RASL11B: variants seen among roughly 807,000 people sequenced by gnomAD.
The protein encoded by RASL11B is ras-like protein family member 11B.
A neutral mutation model predicts 22.9 loss-of-function variants in RASL11B; 14 were observed. The ratio of observed to expected loss-of-function variants is 0.61; its 90% confidence interval spans 0.40 to 0.96. RASL11B has a LOEUF of 0.96. Ranked by LOEUF, RASL11B falls within the 40% of genes least tolerant of loss-of-function variation. RASL11B has a pLI of 0.00. For synonymous variants in RASL11B, 143 were observed against 130.2 expected, an observed-to-expected ratio of 1.10 and a Z score of -0.67; for missense variants, 261 against 322.0, an observed-to-expected ratio of 0.81 and a Z score of 1.45.
In RASL11B at chr4:52,865,691, C is replaced by G; in HGVS notation, c.633C>G (p.Pro211=). The change falls in exon 4 of 4, where the codon CCC becomes CCG. Residue 211 remains proline, a synonymous_variant. Transcript: ENST00000248706. Reference sequence around the variant, plus strand: ...ACAAACAGCAGCCTAGCAGTACACCCGAGAAGCGAAGAACCTCCCTCATTC... The same window carrying G: ...ACAAACAGCAGCCTAGCAGTACACCGGAGAAGCGAAGAACCTCCCTCATTC... The part of the protein sequence containing the change: ...VSHKQQPSST[P]EKRRTSLIPR... 2 of 1,614,134 alleles carry G rather than the reference C, an allele frequency of 1.2e-6. No individual in the cohort carries two copies. The highest frequency in any genetic ancestry group is 1.7e-6 in the Non-Finnish European group (2 of 1,180,020).
rs780459424 is a variant in RASL11B at position 52,865,416 on chromosome 4, A to G, written c.358A>G (p.Ile120Val). 1 of 1,614,194 alleles carries G rather than the reference A, an allele frequency of 6.2e-7. No homozygotes were observed. Among genetic ancestry groups the G allele is most frequent in the South Asian group, 1.1e-5 (1 of 91,086 alleles). The change falls in exon 4 of 4, where the codon ATC (isoleucine) becomes GTC (valine). Residue 120 changes from isoleucine to valine, a missense_variant. Physicochemically the swap from Ile to Val is conservative, Grantham distance 29 (BLOSUM62 3). Transcript: ENST00000248706. ...AGATGCTGTGGTGATCGTTTTCTCC[A>G]TCACTGACTACAAGAGCTATGAACT... is the stretch of plus-strand genomic sequence containing the variant. ...WADAVVIVFSITDYKSYELIS... is the reference protein window; with the variant it reads ...WADAVVIVFSVTDYKSYELIS...
intron 1 of RASL11B, among the ~76,000 whole-genome samples, 174 bp from the exon 2 acceptor site, chr4:52,863,093 TC>T (rs1343012839): frequency 6.6e-6 from 1 of 152,172 alleles, no homozygotes; most frequent in Non-Finnish European, 1.5e-5. Context: ...CACGATGCCT[TC>T]TAGCCCCCTC....
In RASL11B at chr4:52,862,462, T is replaced by G. The variant is rs761099676; in HGVS notation, c.-46T>G. ...CCGCTCCCGCGCAGCGCTAGCATTC[T>G]CCAGTCCCTCAGTCCCTTCCCGCGC... On this transcript the variant is annotated 5_prime_UTR_variant, in exon 1 of 4. Coordinates refer to ENST00000248706, the MANE Select transcript of RASL11B (RefSeq NM_023940.3). 2.3e-5 allele frequency: 37 copies of G among 1,580,058 alleles called. No homozygotes were observed. The highest frequency in any genetic ancestry group is 3.1e-5 in the Non-Finnish European group (36 of 1,165,658).
At chr4:52,864,318 T>G in intron 2 of RASL11B, 160 bp from the exon 3 acceptor site, 1 of 585,234 alleles carries the variant, frequency 1.7e-6, no homozygotes, top group Non-Finnish European at 3.1e-6. Context: ...TTGCTGTTGT[T>G]TTTTAAAAAA....
chr4:52,863,646 TAA>T (rs368078680), intron 2 of RASL11B: 1,429 of 192,816 alleles, frequency 7.4e-3, no homozygotes, highest in South Asian at 0.014. Flanking sequence ...GCAAAAGTCG[TAA>T]AAAAAAAAAA....
rs199676961 is a variant in RASL11B, at chr4:52,865,715, T to G, written c.657T>G (p.Ile219Met). 13 of 1,613,874 alleles carry G rather than the reference T, an allele frequency of 8.1e-6. No individual in the cohort carries two copies. The highest frequency in any genetic ancestry group is 1.7e-5 in the Admixed American group (1 of 59,990). ...STPEKRRTSL[I>M]PRPKSPNMQD... The stretch of plus-strand genomic sequence containing the variant: ...CCGAGAAGCGAAGAACCTCCCTCAT[T>G]CCCAGGCCCAAGTCACCCAACATGC... The change falls in exon 4 of 4, where the codon ATT (isoleucine) becomes ATG (methionine). Residue 219 changes from isoleucine to methionine, a missense_variant. Coordinates refer to ENST00000248706, the MANE Select transcript of RASL11B (RefSeq NM_023940.3).
Position 52,862,579 on chromosome 4 carries a change from C to T in RASL11B, c.72C>T (p.Cys24=), listed in dbSNP as rs1317861888. ...CGGGCAACGCCGCGGCCTCCGACTG[C>T]TGTGTGGGCGCCGCCGGCCGCCGCC... ...PAPGNAAASD[C]CVGAAGRRLV... is the part of the protein sequence containing the mutation. The change falls in exon 1 of 4, where the codon TGC becomes TGT. Residue 24 remains cysteine, a synonymous_variant. Transcript: ENST00000248706. 1.1e-5 allele frequency: 18 copies of T among 1,602,730 alleles called. No individual in the cohort carries two copies. The highest frequency in any genetic ancestry group is 1.5e-5 in the Non-Finnish European group (18 of 1,176,906).
At chr4:52,862,780 C>T in intron 1 of RASL11B, 131 bp downstream of exon 1, 2 of 1,114,332 alleles carry the variant, frequency 1.8e-6, no homozygotes, top group Non-Finnish European at 1.2e-6. Context: ...GAGCCGCTGC[C>T]CCTTGGGAGT....
Position 52,865,864 on chromosome 4 carries a change from T to G in RASL11B, c.*59T>G. The G allele has an allele frequency of 2.3e-6, 3 of 1,287,778 alleles. No individual in the cohort carries two copies. The highest frequency in any genetic ancestry group is 3.3e-6 in the Non-Finnish European group (3 of 908,342). The allele number at this position is 1,287,778 out of a possible 1,614,324, so 79.8% of individuals were successfully genotyped here. A position where few individuals can be genotyped will look rare whatever the true frequency, so the allele number is the denominator to read the frequency against. The stretch of plus-strand genomic sequence containing the variant: ...CCAGGAAGAGGGCCTGAGGTTCTCC[T>G]AGTGCAGGAACGTTGAATATTGGCA... On this transcript the variant is annotated 3_prime_UTR_variant, in exon 4 of 4. Transcript: ENST00000248706.
intron 2 of RASL11B, chr4:52,863,637 CA>C: frequency 3.7e-6 from 1 of 273,862 alleles, no homozygotes; most frequent in Non-Finnish European, 6.9e-6. Flanking sequence ...AACACTCCTG[CA>C]AAAGTCGTAA....
chr4:52,862,411 G>T lies in RASL11B; in HGVS notation c.-97G>T. The stretch of plus-strand genomic sequence containing the variant: ...ATTTATTGTTGTTATTTCTTACCGC[G>T]GAGCCCCGCAGTCGGGTCCTCCCGC... On this transcript the variant is annotated 5_prime_UTR_variant, in exon 1 of 4. Transcript: ENST00000248706. 1 of 1,126,034 alleles carries T rather than the reference G, an allele frequency of 8.9e-7. No homozygotes were observed. The highest frequency in any genetic ancestry group is 1.6e-5 in the South Asian group (1 of 61,748). 69.8% of individuals were successfully genotyped at this position (1,126,034 alleles called of 1,614,324 possible). A position where few individuals can be genotyped will look rare whatever the true frequency, so the allele number is the denominator to read the frequency against.
chr4:52,864,609 C>G (rs936416808), intron 3 of RASL11B, 55 bp downstream of exon 3: 4 of 1,138,780 alleles, frequency 3.5e-6, no homozygotes, highest in Non-Finnish European at 5.3e-6. Flanking sequence ...TGTGGAATCA[C>G]TCACTTCTTC....
chr4:52,864,116 C>G (rs868413777), intron 2 of RASL11B: 32 of 171,386 alleles, frequency 1.9e-4, no homozygotes, highest in African/African-American at 7.2e-4. Flanking sequence ...TATCTAACGG[C>G]CAAAATACAA....
In RASL11B at chr4:52,862,351, C is replaced by A. The variant is rs919690487; in HGVS notation, c.-157C>A. On this transcript the variant is annotated 5_prime_UTR_variant, in exon 1 of 4. Transcript: ENST00000248706. ...CTGGAGCCTGAGCCCTGCGGAACCT[C>A]GGCGCTCGGCCCCACCCCGCCCGTA... 3 of 717,678 alleles carry A rather than the reference C, an allele frequency of 4.2e-6. No homozygotes were observed. The highest frequency in any genetic ancestry group is 6.3e-6 in the Non-Finnish European group (3 of 475,038). The allele number at this position is 717,678 out of a possible 1,614,324, so 44.5% of individuals were successfully genotyped here.
At chr4:52,864,113 C>T (rs570449509) in intron 2 of RASL11B, 95 of 170,830 alleles carry the variant, frequency 5.6e-4, no homozygotes, top group African/African-American at 2.1e-3. Flanking sequence ...TTATATCTAA[C>T]GGCCAAAATA....
chr4:52,863,560 T>C, intron 2 of RASL11B: 1 of 559,980 alleles, frequency 1.8e-6, no homozygotes, highest in Non-Finnish European at 3.2e-6. Context: ...GTATTCCCCT[T>C]GGTATGTTTT....
intron 3 of RASL11B, among the ~76,000 whole-genome samples, chr4:52,864,969 T>TC (rs1461370403): frequency 1.3e-5 from 2 of 152,112 alleles, no homozygotes; most frequent in Non-Finnish European, 2.9e-5. Flanking sequence ...CTAGGGTTTT[T>TC]CCCCCCGCCT....
chr4:52,862,416 C>T lies in RASL11B; in HGVS notation c.-92C>T. The T allele has an allele frequency of 3.0e-6, 4 of 1,334,504 alleles. No homozygotes were observed. Among genetic ancestry groups the T allele is most frequent in the Non-Finnish European group, 4.1e-6 (4 of 983,602 alleles). The allele number at this position is 1,334,504 out of a possible 1,614,324, so 82.7% of individuals were successfully genotyped here. A position where few individuals can be genotyped will look rare whatever the true frequency, so the allele number is the denominator to read the frequency against. ...TTGTTGTTATTTCTTACCGCGGAGC[C>T]CCGCAGTCGGGTCCTCCCGCCCGCT... On this transcript the variant is annotated 5_prime_UTR_variant, in exon 1 of 4. Transcript: ENST00000248706.
Position 52,862,557 on chromosome 4 carries a change from G to T in RASL11B, c.50G>T (p.Gly17Val). ...MCTIAEYPAP[G>V]NAAASDCCVG... Reference sequence around the variant, plus strand: ...ACCATCGCCGAGTACCCCGCGCCGGGCAACGCCGCGGCCTCCGACTGCTGT... The same window carrying T: ...ACCATCGCCGAGTACCCCGCGCCGGTCAACGCCGCGGCCTCCGACTGCTGT... Residue 17 changes from glycine to valine, a missense_variant, in exon 1 of 4, where the codon GGC becomes GTC. Gly to Val is a moderately radical substitution (Grantham distance 109). Transcript: ENST00000248706. 6.2e-7 allele frequency: 1 copy of T among 1,605,188 alleles called. No homozygotes were observed.
Sources: allele counts gnomAD v4.1 joint callset (sites outside exome capture counted in the v4.1 genomes callset), GRCh38; gene constraint gnomAD v4.1.1; transcripts MANE v1.5; gene names NCBI Gene and HGNC (gene_info 2026-07-23, HGNC 2026-07-21).